Variants in CEP83 observed in about 807,000 individuals in gnomAD.
The protein encoded by CEP83 is centrosomal protein of 83 kDa.
In CEP83, 70 loss-of-function variants were observed where a neutral mutation model predicts 101.9. The ratio of observed to expected loss-of-function variants is 0.69; its 90% confidence interval spans 0.57 to 0.84. CEP83 has a LOEUF of 0.84. Ranked by LOEUF, CEP83 falls within the 40% of genes least tolerant of loss-of-function variation. The pLI, the probability that CEP83 is intolerant of heterozygous loss-of-function variation, is 0.00. For missense variants in CEP83, 715 were observed against 787.2 expected, an observed-to-expected ratio of 0.91 and a Z score of 1.10; for synonymous variants, 264 against 267.9, an observed-to-expected ratio of 0.99 and a Z score of 0.14.
chr12:94,375,855 A>C (rs1157551560), intron 8 of CEP83, 31 bp downstream of exon 8: 2 of 1,258,392 alleles, frequency 1.6e-6, no homozygotes, highest in Non-Finnish European at 2.2e-6. Context: ...AAACATTCTA[A>C]AGAATGAAAC....
chr12:94,331,958 C>T (rs1210167160), intron 13 of CEP83, 129 bp from the exon 14 acceptor site: 2 of 731,672 alleles, frequency 2.7e-6, no homozygotes, highest in East Asian at 5.4e-5. Flanking sequence ...GCAGGCCCTC[C>T]TGTATGGCCA....
chr12:94,306,013 T>C (rs1323039164), downstream of CEP83: 2 of 152,214 alleles, frequency 1.3e-5, no homozygotes, highest in African/African-American at 4.8e-5. Flanking sequence ...TTTGTCCTAA[T>C]GTATGTTCCT....
chr12:94,438,444 G>A (rs925278755), intron 1 of CEP83, among the ~76,000 whole-genome samples: 9 of 152,060 alleles, frequency 5.9e-5, no homozygotes, highest in African/African-American at 1.9e-4. Flanking sequence ...GTTTAAAAAG[G>A]CAAAGATAGA....
intron 11 of CEP83, among the ~76,000 whole-genome samples, chr12:94,364,656 A>G (rs988594619): frequency 6.6e-6 from 1 of 152,120 alleles, no homozygotes; most frequent in Admixed American, 6.5e-5. Context: ...AAATTTTTTT[A>G]ATGTAAAATG....
downstream of CEP83, among the ~76,000 whole-genome samples, chr12:94,302,251 G>A (rs888471958): frequency 6.6e-6 from 1 of 152,154 alleles, no homozygotes; most frequent in East Asian, 1.9e-4. Flanking sequence ...TACCCACTGT[G>A]CTACAGCTTT....
intron 14 of CEP83, among the ~76,000 whole-genome samples, chr12:94,324,748 T>C (rs1446042259): frequency 6.6e-6 from 1 of 152,242 alleles, no homozygotes; most frequent in Admixed American, 6.5e-5. Context: ...TCTAAACTCA[T>C]CTTTTTTAGT....
intron 6 of CEP83, among the ~76,000 whole-genome samples, chr12:94,395,464 T>C (rs937062579): frequency 6.6e-6 from 1 of 152,222 alleles, no homozygotes; most frequent in African/African-American, 2.4e-5. Flanking sequence ...GCATGTTTTA[T>C]ACAAAAATAT....
intron 1 of CEP83, among the ~76,000 whole-genome samples, chr12:94,458,635 G>A (rs182003702): frequency 1.5e-3 from 225 of 152,276 alleles, no homozygotes; most frequent in Non-Finnish European, 2.6e-3. Flanking sequence ...CTACTCGGGA[G>A]GCTGAGGCAG....
intron 1 of CEP83, among the ~76,000 whole-genome samples, chr12:94,453,245 C>T (rs1165273787): frequency 6.6e-6 from 1 of 152,198 alleles, no homozygotes; most frequent in African/African-American, 2.4e-5. Flanking sequence ...CTCATCTATA[C>T]CTGGTATTTC....
chr12:94,444,819 G>GAGATATAGATAT (rs1243350328), intron 1 of CEP83, among the ~76,000 whole-genome samples: 1 of 152,138 alleles, frequency 6.6e-6, no homozygotes, highest in African/African-American at 2.4e-5. Context: ...GCAACATAGT[G>GAGATATAGATAT]AGACTCTATA....
chr12:94,344,652 C>A (rs1263703552), intron 11 of CEP83, among the ~76,000 whole-genome samples: 2 of 152,054 alleles, frequency 1.3e-5, no homozygotes, highest in East Asian at 3.9e-4. Context: ...ATGAAAACTG[C>A]AACACACTGA....
intron 6 of CEP83, among the ~76,000 whole-genome samples, chr12:94,395,258 A>C (rs1320949470): frequency 6.6e-6 from 1 of 152,070 alleles, no homozygotes; most frequent in Non-Finnish European, 1.5e-5. Context: ...TGGGTGCAGC[A>C]ACCCGACATG....
chr12:94,267,760 A>G, the CEP83 span, among the ~76,000 whole-genome samples: 2 of 152,314 alleles, frequency 1.3e-5, no homozygotes, highest in African/African-American at 4.8e-5. Flanking sequence ...AATATAAAAA[A>G]TTTAAGTTTT....
In CEP83 at chr12:94,369,940, T is replaced by A; in HGVS notation, c.1030A>T (p.Ile344Phe). 6.3e-7 allele frequency: 1 copy of A among 1,584,926 alleles called. No homozygotes were observed. Among genetic ancestry groups the A allele is most frequent in the Non-Finnish European group, 8.7e-7 (1 of 1,154,776 alleles). The change falls in exon 9 of 17, where the codon ATT becomes TTT. Residue 344 changes from isoleucine to phenylalanine, a missense_variant. Ile to Phe is a conservative substitution (Grantham distance 21). Transcript: ENST00000397809. ...KSELERERNK[I>F]QSELDGLQSD... ...ATATTACCATCCAGTTCACTTTGAATCTTATTCCTTTCTCTTTCTAGCTCA... is the reference window on the plus strand; with the variant it reads ...ATATTACCATCCAGTTCACTTTGAAACTTATTCCTTTCTCTTTCTAGCTCA...
intron 14 of CEP83, among the ~76,000 whole-genome samples, chr12:94,317,823 T>C (rs1291496970): frequency 3.3e-5 from 5 of 152,194 alleles, no homozygotes; most frequent in Non-Finnish European, 7.4e-5. Context: ...TGTTGCTCTA[T>C]AGTATAGTTT....
chr12:94,455,844 G>A (rs1041516292), intron 1 of CEP83, among the ~76,000 whole-genome samples: 17 of 151,998 alleles, frequency 1.1e-4, no homozygotes, highest in African/African-American at 3.1e-4. Flanking sequence ...CAGGAGTTCC[G>A]AGACCAGCCT....
chr12:94,319,975 G>A (rs1308065449), intron 14 of CEP83, among the ~76,000 whole-genome samples: 1 of 152,158 alleles, frequency 6.6e-6, no homozygotes, highest in East Asian at 1.9e-4. Flanking sequence ...GTTATTGTGT[G>A]GGAGTATAAA....
chr12:94,455,148 C>T (rs753785819), intron 1 of CEP83, among the ~76,000 whole-genome samples: 10 of 152,194 alleles, frequency 6.6e-5, no homozygotes, highest in Admixed American at 2.0e-4. Flanking sequence ...TATCATGCAT[C>T]TCTATGTGGA....
chr12:94,366,987 G>A (rs2061057519), intron 11 of CEP83, among the ~76,000 whole-genome samples: 1 of 152,032 alleles, frequency 6.6e-6, no homozygotes, highest in Admixed American at 6.5e-5. Flanking sequence ...AAATATGAAT[G>A]TATAAATCCA....
Sources: allele counts gnomAD v4.1 joint callset (sites outside exome capture counted in the v4.1 genomes callset), GRCh38; gene constraint gnomAD v4.1.1; transcripts MANE v1.5; gene names NCBI Gene and HGNC (gene_info 2026-07-23, HGNC 2026-07-21).